The following TACR3 variants were observed in gnomAD, a reference collection of about 807,000 sequenced individuals.
TACR3 encodes the protein tachykinin receptor 3.
In TACR3, 34 loss-of-function variants were observed where a neutral mutation model predicts 35.0. The ratio of observed to expected loss-of-function variants is 0.97; its 90% confidence interval spans 0.74 to 1.30. TACR3 has a LOEUF of 1.30. Ranked by LOEUF, TACR3 falls within the 50% of genes most tolerant of loss-of-function variation. The pLI, the probability that TACR3 is intolerant of heterozygous loss-of-function variation, is 0.00. For synonymous variants in TACR3, 233 were observed against 221.1 expected (o/e 1.05, Z -0.48); for missense variants, 558 against 591.7 (o/e 0.94, Z 0.59).
rs568231353 is a variant in TACR3 at position 103,609,315 on chromosome 4, C to G, written c.889-17632G>C. On this transcript the variant is annotated intron_variant, in intron 3 of 4. Coordinates refer to ENST00000304883, the MANE Select transcript of TACR3 (RefSeq NM_001059.3). ...ATTGTGTTAGTGTGATTTATTTACACCCTAAAGCAAATATAATTCAAAATA... is the reference window on the plus strand; with the variant it reads ...ATTGTGTTAGTGTGATTTATTTACAGCCTAAAGCAAATATAATTCAAAATA... Among the ~76,000 whole-genome samples the G allele has an allele frequency of 5.9e-5, 9 of 152,204 alleles. No homozygotes were observed. In the South Asian group the frequency reaches 1.7e-3, roughly 28 times the overall value.
intron 3 of TACR3, among the ~76,000 whole-genome samples, chr4:103,605,668 T>A (rs529473061): frequency 2.1e-4 from 32 of 152,218 alleles, no homozygotes; most frequent in African/African-American, 7.7e-4. Context: ...CACTTTTCGA[T>A]GGGGTTGTTT....
At chr4:103,681,178 A>T (rs1722078974) in intron 1 of TACR3, among the ~76,000 whole-genome samples, 1 of 152,036 alleles carries the variant, frequency 6.6e-6, no homozygotes, top group Admixed American at 6.6e-5. Context: ...CACTTTAGTT[A>T]TTCAGAGGCA....
intron 1 of TACR3, among the ~76,000 whole-genome samples, chr4:103,673,051 T>C (rs1726087210): frequency 6.6e-6 from 1 of 152,178 alleles, no homozygotes; most frequent in African/African-American, 2.4e-5. Flanking sequence ...TTTTATAGCA[T>C]TGAAAAGAGC....
intron 3 of TACR3, among the ~76,000 whole-genome samples, chr4:103,644,215 C>T (rs990584921): frequency 7.3e-5 from 11 of 151,720 alleles, no homozygotes; most frequent in African/African-American, 1.9e-4. Flanking sequence ...GATTGCAAGT[C>T]GTACCATGAG....
intron 1 of TACR3, among the ~76,000 whole-genome samples, chr4:103,683,847 A>G (rs950622923): frequency 6.6e-6 from 1 of 151,196 alleles, no homozygotes; most frequent in Non-Finnish European, 1.5e-5. Context: ...AGAAGGAGAG[A>G]GAGAGAGAGA....
chr4:103,592,331 A>G (rs1388611109), intron 3 of TACR3, among the ~76,000 whole-genome samples: 1 of 152,204 alleles, frequency 6.6e-6, no homozygotes. Flanking sequence ...GGTTTATGCA[A>G]CTGTTTTATG....
intron 1 of TACR3, among the ~76,000 whole-genome samples, chr4:103,669,641 T>G (rs994333975): frequency 2.6e-5 from 4 of 152,280 alleles, no homozygotes; most frequent in South Asian, 2.1e-4. Flanking sequence ...TTTGTATGTT[T>G]GTCATTGAGA....
At chr4:103,635,833 A>G (rs1375150896) in intron 3 of TACR3, among the ~76,000 whole-genome samples, 1 of 151,978 alleles carries the variant, frequency 6.6e-6, no homozygotes, top group Non-Finnish European at 1.5e-5. Context: ...GATCCTACCA[A>G]CATATTACTG....
At chr4:103,701,664 A>G (rs932126831) in intron 1 of TACR3, among the ~76,000 whole-genome samples, 2 of 152,244 alleles carry the variant, frequency 1.3e-5, no homozygotes, top group African/African-American at 4.8e-5. Context: ...ACAAGGCTAC[A>G]GTAACCAAAA....
chr4:103,706,554 G>A (rs996742167), intron 1 of TACR3, among the ~76,000 whole-genome samples: 1 of 151,804 alleles, frequency 6.6e-6, no homozygotes, highest in African/African-American at 2.4e-5. Flanking sequence ...GATATATATA[G>A]ATATGTATGT....
chr4:103,664,635 G>A (rs1469113153), intron 1 of TACR3, among the ~76,000 whole-genome samples: 1 of 152,140 alleles, frequency 6.6e-6, no homozygotes, highest in Admixed American at 6.6e-5. Flanking sequence ...GCAAAATAAA[G>A]ATTAGTTGCA....
intron 3 of TACR3, among the ~76,000 whole-genome samples, chr4:103,614,591 A>T (rs139757128): frequency 1.4e-3 from 220 of 152,286 alleles, no homozygotes; most frequent in African/African-American, 5.0e-3. Context: ...TTAAATCTAG[A>T]CTACGTTAGT....
chr4:103,671,608 T>A (rs567190909), intron 1 of TACR3, among the ~76,000 whole-genome samples: 2 of 152,170 alleles, frequency 1.3e-5, no homozygotes, highest in South Asian at 4.1e-4. Flanking sequence ...AATGATCCTT[T>A]AAATTTTTGA....
At chr4:103,703,976 C>A (rs1031208046) in intron 1 of TACR3, among the ~76,000 whole-genome samples, 1 of 151,538 alleles carries the variant, frequency 6.6e-6, no homozygotes, top group African/African-American at 2.4e-5. Context: ...TGGTAGCAGG[C>A]GCCTCTAGTC....
At chr4:103,669,728 T>C (rs1726014728) in intron 1 of TACR3, among the ~76,000 whole-genome samples, 1 of 152,090 alleles carries the variant, frequency 6.6e-6, no homozygotes, top group South Asian at 2.1e-4. Context: ...GTTTCTTATA[T>C]ATTCTGGTTC....
chr4:103,713,479 G>T (rs1723018355), intron 1 of TACR3, among the ~76,000 whole-genome samples: 1 of 84,652 alleles, frequency 1.2e-5, no homozygotes, highest in Non-Finnish European at 2.1e-5. Flanking sequence ...TCATGGGGTG[G>T]GGGGAGGGGG....
chr4:103,602,086 T>C (rs543321733), intron 3 of TACR3, among the ~76,000 whole-genome samples: 13 of 152,284 alleles, frequency 8.5e-5, no homozygotes, highest in Admixed American at 6.5e-4. Flanking sequence ...TGTTCATTTC[T>C]TTTTATTCTT....
At chr4:103,664,682 C>G (rs1325147353) in intron 1 of TACR3, among the ~76,000 whole-genome samples, 1 of 152,102 alleles carries the variant, frequency 6.6e-6, no homozygotes, top group Admixed American at 6.6e-5. Context: ...CAACTTCTGG[C>G]CTTCAGTGCT....
intron 1 of TACR3, among the ~76,000 whole-genome samples, chr4:103,663,327 C>T (rs1725872700): frequency 6.6e-6 from 1 of 152,070 alleles, no homozygotes; most frequent in African/African-American, 2.4e-5. Context: ...AACCTCATCT[C>T]TACTAGAAAT....
Sources: gnomAD v4.1 joint callset for allele counts (sites outside exome capture counted in the v4.1 genomes callset) on GRCh38, gnomAD v4.1.1 for gene constraint, MANE v1.5 for transcripts, NCBI Gene and HGNC (gene_info 2026-07-23, HGNC 2026-07-21) for gene names.